ASMTL: variants seen among roughly 807,000 people sequenced by gnomAD.
ASMTL encodes the protein acetylserotonin O-methyltransferase like, also known as probable bifunctional dTTP/UTP pyrophosphatase/methyltransferase protein.
A neutral mutation model predicts 60.3 loss-of-function variants in ASMTL; 57 were observed. The ratio of observed to expected loss-of-function variants is 0.95; its 90% CI spans 0.76 to 1.18. The LOEUF (loss-of-function observed/expected upper bound fraction) is 1.18, where lower values mean the gene tolerates loss of function less well. ASMTL is among the 50% of genes most tolerant of loss of function. The probability of loss-of-function intolerance (pLI) is 0.00; values close to 1 mark genes in which losing one functional copy is unlikely to be tolerated. For missense variants in ASMTL, 981 were observed against 852.6 expected, an observed-to-expected ratio of 1.15 and a Z score of -1.88; for synonymous variants, 419 against 373.0, an observed-to-expected ratio of 1.12 and a Z score of -1.42.
chrX:1,439,165 G>A (rs752764078), intron 2 of ASMTL, 21 bp from the exon 3 acceptor site: 39 of 1,613,602 alleles, frequency 2.4e-5, no homozygotes, highest in Middle Eastern at 1.6e-4. Flanking sequence ...ACCAGATTCC[G>A]GTTTACCGGT....
intron 12 of ASMTL, among the ~76,000 whole-genome samples, chrX:1,405,587 G>C (rs1414139104): frequency 6.6e-6 from 1 of 151,468 alleles, no homozygotes; most frequent in African/African-American, 2.4e-5. Context: ...TGGATGGATG[G>C]GTGAATAGAT....
chrX:1,417,879 A>G, intron 11 of ASMTL, 94 bp downstream of exon 11: 1 of 1,485,868 alleles, frequency 6.7e-7, no homozygotes, highest in South Asian at 1.3e-5. Flanking sequence ...ACGCCCAGGC[A>G]GAAACACAGG....
At chrX:1,411,806 C>CTTTTTTTTTTTTTT (rs756437483) in intron 12 of ASMTL, among the ~76,000 whole-genome samples, 8 of 86,146 alleles carry the variant, frequency 9.3e-5, no homozygotes, top group Non-Finnish European at 1.3e-4. Flanking sequence ...TTAGGATTTT[C>CTTTTTTTTTTTTTT]TTTTTTTTTT....
chrX:1,435,022 C>G lies in ASMTL; in HGVS notation c.400G>C (p.Asp134His). 1 of 1,613,856 alleles carries G rather than the reference C, an allele frequency of 6.2e-7. No homozygotes were observed. Among genetic ancestry groups the G allele is most frequent in the Non-Finnish European group, 8.5e-7 (1 of 1,179,852 alleles). The stretch of plus-strand genomic sequence containing the variant: ...ACCCCGAAACCTGGGCCGCGGTTAC[C>G]TTTGCTGGAGCAGTGGACGATCGCG... ...GVAIVHCSSKDHQLDTRVSEF... is the reference protein window; with the variant it reads ...GVAIVHCSSKHHQLDTRVSEF... Residue 134 changes from aspartate to histidine, a missense_variant and splice_region_variant, in exon 5 of 13, where the codon GAC becomes CAC. By Grantham distance (81) the Asp-to-His change is moderately conservative. Transcript: ENST00000381317.
intron 11 of ASMTL, among the ~76,000 whole-genome samples, chrX:1,414,464 T>C (rs2090160648): frequency 6.6e-6 from 1 of 152,026 alleles, no homozygotes. Context: ...TCCCAGCACT[T>C]TGGGAGGCCA....
chrX:1,439,233 C>CAG, intron 2 of ASMTL, 89 bp from the exon 3 acceptor site: 1 of 1,414,714 alleles, frequency 7.1e-7, no homozygotes, highest in Non-Finnish European at 9.9e-7. Flanking sequence ...GAAAGAGCAC[C>CAG]GCAGGGGCGA....
chrX:1,408,255 A>C lies in ASMTL; in HGVS notation c.1645+4477T>G, dbSNP rs777903948. Among the ~76,000 whole-genome samples, 5 of 57,534 alleles carry C rather than the reference A, an allele frequency of 8.7e-5. No individual in the cohort carries two copies. The East Asian group carries it at 2.2e-3, about 25-fold the overall frequency. The allele number at this position is 57,534 out of a possible 152,430, so 37.7% of individuals were successfully genotyped here. A position where few individuals can be genotyped will look rare whatever the true frequency, so the allele number is the denominator to read the frequency against. On this transcript the variant is annotated intron_variant, in intron 12 of 12. Coordinates refer to ENST00000381317, the MANE Select transcript of ASMTL (RefSeq NM_004192.4). ...CAGGAGGTCAAGGCTGCAGTGAACT[A>C]TGATGACAACACTGCCCTCCAGCCA...
intron 1 of ASMTL, among the ~76,000 whole-genome samples, chrX:1,447,390 C>T (rs1272226506): frequency 6.6e-6 from 1 of 151,606 alleles, no homozygotes; most frequent in Non-Finnish European, 1.5e-5. Flanking sequence ...CTTGGAGAAG[C>T]ACCACCATCT....
At chrX:1,432,182 C>T (rs1454593990) in intron 6 of ASMTL, 87 bp downstream of exon 6, 2 of 1,158,578 alleles carry the variant, frequency 1.7e-6, no homozygotes, top group African/African-American at 1.5e-5. Context: ...CTCCTTCTTT[C>T]CCAAAGGCTG....
chrX:1,404,850 A>G (rs2089749060), intron 12 of ASMTL, among the ~76,000 whole-genome samples: 1 of 148,990 alleles, frequency 6.7e-6, no homozygotes, highest in Admixed American at 6.7e-5. Flanking sequence ...ATAGGTAGGA[A>G]GATGAATAGT....
intron 6 of ASMTL, among the ~76,000 whole-genome samples, chrX:1,430,672 T>G (rs1244087618): frequency 1.3e-5 from 2 of 151,696 alleles, no homozygotes; most frequent in Non-Finnish European, 2.9e-5. Flanking sequence ...CTAGTGGGGC[T>G]GAGGTGAGAG....
At chrX:1,413,147 G>A in intron 11 of ASMTL, 1 of 410,764 alleles carries the variant, frequency 2.4e-6, no homozygotes, top group East Asian at 3.8e-5. Flanking sequence ...CAGATTGTCT[G>A]AGCTCAGGAG....
chrX:1,417,062 CCA>C (rs1177175707), intron 11 of ASMTL, among the ~76,000 whole-genome samples: 1 of 150,724 alleles, frequency 6.6e-6, no homozygotes, highest in Non-Finnish European at 1.5e-5. Flanking sequence ...GCTCACATAT[CCA>C]CACAGACACA....
chrX:1,428,647 A>AAATAAATAAATAAATAAATAAATAAAT, intron 6 of ASMTL, among the ~76,000 whole-genome samples: 1 of 8,732 alleles, frequency 1.1e-4, no homozygotes, highest in African/African-American at 1.5e-4. Flanking sequence ...ACTCCGTCTC[A>AAATAAATAAATAAATAAATAAATAAAT]AATAAATAAA....
At chrX:1,406,116 GTAGA>G (rs1422295820) in intron 12 of ASMTL, among the ~76,000 whole-genome samples, 2 of 147,456 alleles carry the variant, frequency 1.4e-5, no homozygotes, top group African/African-American at 2.5e-5. Context: ...AGGTAGGTAG[GTAGA>G]TGGATGTATA....
At chrX:1,426,226 T>A (rs1314063910) in intron 7 of ASMTL, among the ~76,000 whole-genome samples, 2 of 152,048 alleles carry the variant, frequency 1.3e-5, no homozygotes, top group Admixed American at 6.6e-5. Context: ...ATCTTGGACC[T>A]CCAGCCTCCA....
At chrX:1,446,609 C>T (rs2091236442) in intron 1 of ASMTL, among the ~76,000 whole-genome samples, 1 of 151,362 alleles carries the variant, frequency 6.6e-6, no homozygotes, top group Admixed American at 6.6e-5. Flanking sequence ...AAGCGATTCT[C>T]CTGCCTCAGC....
At chrX:1,438,700 G>C (rs1190109505) in intron 3 of ASMTL, among the ~76,000 whole-genome samples, 2 of 152,134 alleles carry the variant, frequency 1.3e-5, no homozygotes, top group African/African-American at 4.8e-5. Context: ...AATTAATGTA[G>C]CTTATCTGTT....
In ASMTL at chrX:1,442,201, G is replaced by A. The variant is rs1427239530; in HGVS notation, c.210C>T (p.Ala70=). The change falls in exon 2 of 13, where the codon GCC becomes GCT. Residue 70 remains alanine, a synonymous_variant. Coordinates refer to ENST00000381317, the MANE Select transcript of ASMTL (RefSeq NM_004192.4). ...GGCCCCTTGCCTGGTACAGCCGGTTGGCCACCTCCAGGGCCTTCTGCTTGG... is the reference window on the plus strand; with the variant it reads ...GGCCCCTTGCCTGGTACAGCCGGTTAGCCACCTCCAGGGCCTTCTGCTTGG... The part of the protein sequence containing the change: ...ETAKQKALEV[A]NRLYQKDLRA... 6.2e-7 allele frequency: 1 copy of A among 1,613,606 alleles called. No homozygotes were observed. The highest frequency in any genetic ancestry group is 8.5e-7 in the Non-Finnish European group (1 of 1,179,858).
Sources: allele counts gnomAD v4.1 joint callset (sites outside exome capture counted in the v4.1 genomes callset), GRCh38; gene constraint gnomAD v4.1.1; transcripts MANE v1.5; gene names NCBI Gene and HGNC (gene_info 2026-07-23, HGNC 2026-07-21).